The following RIMS2 variants were observed in gnomAD, a reference collection of about 807,000 sequenced individuals.
RIMS2 encodes the protein regulating synaptic membrane exocytosis protein 2.
In RIMS2, 59 loss-of-function variants were observed where a neutral mutation model predicts 174.4. That is an observed-to-expected ratio of 0.34 (90% CI 0.27 to 0.42). The LOEUF is 0.42. Ranked by LOEUF, RIMS2 falls within the 10% of genes least tolerant of loss-of-function variation. The pLI is 1.00. For synonymous variants in RIMS2, 606 were observed against 572.5 expected, an observed-to-expected ratio of 1.06 and a Z score of -0.84; for missense variants, 1,620 against 1,666.3, an observed-to-expected ratio of 0.97 and a Z score of 0.48.
chr8:103,522,354 T>A (rs1832128858), intron 1 of RIMS2, among the ~76,000 whole-genome samples: 1 of 152,144 alleles, frequency 6.6e-6, no homozygotes, highest in Admixed American at 6.6e-5. Flanking sequence ...GATACTTTGA[T>A]TAACAATTCT....
intron 19 of RIMS2, among the ~76,000 whole-genome samples, chr8:104,237,625 A>G (rs1459512848): frequency 1.3e-5 from 2 of 152,190 alleles, no homozygotes; most frequent in Admixed American, 6.5e-5. Flanking sequence ...GCTACTAGAT[A>G]TGTAACTTTT....
intron 1 of RIMS2, among the ~76,000 whole-genome samples, chr8:103,627,135 AC>A (rs969046705): frequency 5.1e-4 from 77 of 152,186 alleles, no homozygotes; most frequent in African/African-American, 1.8e-3. Context: ...CTATAGACCT[AC>A]CCCAGGAATG....
At chr8:104,250,865 C>T (rs1013739503) in intron 22 of RIMS2, among the ~76,000 whole-genome samples, 159 bp from the exon 29 acceptor site, 1 of 152,134 alleles carries the variant, frequency 6.6e-6, no homozygotes, top group Non-Finnish European at 1.5e-5. Flanking sequence ...CACAGTTATC[C>T]ACTGTTTATC....
At chr8:104,067,091 T>C (rs1236605192) in intron 19 of RIMS2, among the ~76,000 whole-genome samples, 3 of 152,208 alleles carry the variant, frequency 2.0e-5, no homozygotes, top group African/African-American at 7.2e-5. Context: ...TTAATCCCCT[T>C]TTCCTTTAAT....
chr8:103,826,237 A>G (rs2098790134), intron 3 of RIMS2, among the ~76,000 whole-genome samples: 4 of 151,812 alleles, frequency 2.6e-5, no homozygotes, highest in Admixed American at 2.0e-4. Context: ...GATAAAATGT[A>G]ATTTACTAAT....
intron 1 of RIMS2, among the ~76,000 whole-genome samples, chr8:103,517,531 C>G (rs13257848): frequency 0.12 from 17,633 of 150,782 alleles, 1,354 homozygotes; most frequent in Non-Finnish European, 0.17. Flanking sequence ...AACTGAATCA[C>G]TTTGATGCAT....
intron 1 of RIMS2, among the ~76,000 whole-genome samples, chr8:103,561,967 A>G (rs1033486370): frequency 5.9e-5 from 9 of 152,206 alleles, no homozygotes; most frequent in Non-Finnish European, 1.3e-4. Context: ...TTGCTCTTAT[A>G]AAATCATTAG....
At chr8:103,963,170 A>T (rs1224186456) in intron 15 of RIMS2, among the ~76,000 whole-genome samples, 1 of 152,158 alleles carries the variant, frequency 6.6e-6, no homozygotes, top group East Asian at 1.9e-4. Context: ...CTTATCAAAT[A>T]ATTTAAGGAC....
At chr8:104,016,411 A>C (rs1327536878) in intron 19 of RIMS2, among the ~76,000 whole-genome samples, 1 of 152,022 alleles carries the variant, frequency 6.6e-6, no homozygotes, top group Non-Finnish European at 1.5e-5. Context: ...TAACTTGTTG[A>C]TATAAGTTGT....
intron 19 of RIMS2, among the ~76,000 whole-genome samples, chr8:104,079,905 G>C (rs918015495): frequency 6.6e-6 from 1 of 151,712 alleles, no homozygotes; most frequent in Non-Finnish European, 1.5e-5. Flanking sequence ...GATGCTGAGA[G>C]AAGTAGGATA....
intron 3 of RIMS2, among the ~76,000 whole-genome samples, chr8:103,815,601 G>A (rs1262292285): frequency 6.6e-6 from 1 of 152,088 alleles, no homozygotes; most frequent in African/African-American, 2.4e-5. Context: ...TTGCTTGGAA[G>A]TTCTTTTGAG....
intron 17 of RIMS2, among the ~76,000 whole-genome samples, chr8:104,001,890 T>C (rs2095405944): frequency 6.6e-6 from 1 of 152,086 alleles, no homozygotes; most frequent in Non-Finnish European, 1.5e-5. Context: ...CTGTCATTTG[T>C]TGAGCTCTTA....
intron 19 of RIMS2, among the ~76,000 whole-genome samples, chr8:104,100,604 C>G (rs1459969969): frequency 6.6e-6 from 1 of 151,624 alleles, no homozygotes; most frequent in Non-Finnish European, 1.5e-5. Context: ...GATATTGTTT[C>G]TTATGCTACT....
chr8:104,190,709 G>A (rs891396610), intron 19 of RIMS2, among the ~76,000 whole-genome samples: 1 of 152,016 alleles, frequency 6.6e-6, no homozygotes, highest in Admixed American at 6.6e-5. Flanking sequence ...ATAGATATGA[G>A]AGCATGCATT....
chr8:103,844,661 A>AT (rs2098958608), intron 3 of RIMS2, among the ~76,000 whole-genome samples: 1 of 151,996 alleles, frequency 6.6e-6, no homozygotes, highest in Admixed American at 6.6e-5. Flanking sequence ...ATAAATGTTT[A>AT]TTTTTTCCTA....
At position 104,073,712 on chromosome 8, in the gene RIMS2, G is replaced by A. The variant is rs146828515; in HGVS notation, c.3334+59097G>A. The stretch of plus-strand genomic sequence containing the variant: ...GACAATGTAATAAAATAAAGGAAAA[G>A]AAAGTTTGTCTCCATTTATTGTGCA... On this transcript the variant is annotated intron_variant, in intron 19 of 23. Coordinates refer to ENST00000504942, the Ensembl canonical transcript of RIMS2. Among the ~76,000 whole-genome samples, 653 of 152,222 alleles carry A rather than the reference G, an allele frequency of 4.3e-3. 3 individuals carry two copies. The highest frequency in any genetic ancestry group is 6.6e-3 in the Non-Finnish European group (452 of 67,998).
At chr8:104,092,299 AT>A (rs896282372) in intron 19 of RIMS2, among the ~76,000 whole-genome samples, 4 of 151,890 alleles carry the variant, frequency 2.6e-5, no homozygotes, top group Admixed American at 2.6e-4. Context: ...TTGATAAAAA[AT>A]AATCATCTTT....
At chr8:104,021,630 CATA>C (rs1021213202) in intron 19 of RIMS2, among the ~76,000 whole-genome samples, 1 of 152,162 alleles carries the variant, frequency 6.6e-6, no homozygotes, top group Admixed American at 6.5e-5. Flanking sequence ...GAAGTATTAT[CATA>C]AGGTTTTTTT....
chr8:103,941,957 T>C (rs2082637115), intron 13 of RIMS2, among the ~76,000 whole-genome samples: 1 of 152,158 alleles, frequency 6.6e-6, no homozygotes, highest in African/African-American at 2.4e-5. Flanking sequence ...TATGGCACGG[T>C]TCTTAATACA....
Sources: gnomAD v4.1 joint callset for allele counts (sites outside exome capture counted in the v4.1 genomes callset) on GRCh38, gnomAD v4.1.1 for gene constraint, MANE v1.5 for transcripts, NCBI Gene and HGNC (gene_info 2026-07-23, HGNC 2026-07-21) for gene names.